The following DPP6 variants were observed in gnomAD, a reference collection of about 807,000 sequenced individuals.
DPP6 encodes dipeptidyl peptidase like 6.
Under a neutral mutation model 122.6 loss-of-function variants are expected in DPP6, and 69 were observed. That is an observed-to-expected ratio of 0.56 (90% CI 0.46 to 0.69). The LOEUF (loss-of-function observed/expected upper bound fraction) is 0.69, where lower values mean the gene tolerates loss of function less well. DPP6 is among the 30% of genes least tolerant of loss of function. DPP6 has a pLI of 0.00. For synonymous variants in DPP6, 418 were observed against 433.1 expected (o/e 0.97, Z 0.43); for missense variants, 928 against 1,116.9 (o/e 0.83, Z 2.41).
chr7:153,786,766 A>G, the DPP6 span, among the ~76,000 whole-genome samples: 8 of 138,808 alleles, frequency 5.8e-5, no homozygotes, highest in African/African-American at 1.8e-4. Flanking sequence ...AAAAAAAGAT[A>G]TACTACTATT....
chr7:154,807,788 C>T (rs759906941), intron 16 of DPP6, among the ~76,000 whole-genome samples: 7 of 152,144 alleles, frequency 4.6e-5, no homozygotes, highest in African/African-American at 7.2e-5. Context: ...CACCACTACA[C>T]TCCAGCCTGG....
chr7:154,882,191 G>T (rs1376167226), intron 21 of DPP6, among the ~76,000 whole-genome samples: 1 of 152,132 alleles, frequency 6.6e-6, no homozygotes, highest in Non-Finnish European at 1.5e-5. Flanking sequence ...ACAGGCAGTT[G>T]GTCCAGAAGC....
intron 1 of DPP6, among the ~76,000 whole-genome samples, chr7:154,116,511 G>A (rs879746709): frequency 1.1e-4 from 17 of 152,292 alleles, no homozygotes; most frequent in Admixed American, 1.1e-3. Context: ...CATTGAACAA[G>A]CAAACAGTTT....
At chr7:154,633,841 AGAG>A (rs1222714829) in intron 5 of DPP6, among the ~76,000 whole-genome samples, 1 of 152,106 alleles carries the variant, frequency 6.6e-6, no homozygotes, top group Admixed American at 6.6e-5. Flanking sequence ...CCATTTTTTA[AGAG>A]TAGTGCTCGA....
chr7:154,029,816 A>G (rs1321192917), intron 1 of DPP6, among the ~76,000 whole-genome samples: 2 of 151,846 alleles, frequency 1.3e-5, no homozygotes, highest in African/African-American at 4.8e-5. Flanking sequence ...ACTACACTCC[A>G]ACCTGGGTGA....
rs546009959 is a variant in DPP6 at position 154,270,952 on chromosome 7, T to C, written c.244-175262T>C. 1.4e-4 allele frequency among the ~76,000 whole-genome samples: 22 copies of C among 152,282 alleles called. No homozygotes were observed. The South Asian group carries it at 4.4e-3, about 30-fold the overall frequency. Reference sequence around the variant, plus strand: ...TCAACTCTCCTTTTTCTCAAAAGCCTTCACTTCTAAAAGCAAGGTTGTTTA... The same window carrying C: ...TCAACTCTCCTTTTTCTCAAAAGCCCTCACTTCTAAAAGCAAGGTTGTTTA... On this transcript the variant is annotated intron_variant, in intron 1 of 25. Coordinates refer to ENST00000377770, the MANE Select transcript of DPP6 (RefSeq NM_130797.4).
the DPP6 span, among the ~76,000 whole-genome samples, chr7:153,771,418 T>C: frequency 2.0e-5 from 3 of 151,978 alleles, no homozygotes; most frequent in South Asian, 2.1e-4. Flanking sequence ...GGCCTCACTG[T>C]AACCTCTGCC....
At chr7:154,756,146 G>A (rs939832533) in intron 8 of DPP6, among the ~76,000 whole-genome samples, 1 of 152,198 alleles carries the variant, frequency 6.6e-6, no homozygotes, top group Non-Finnish European at 1.5e-5. Flanking sequence ...AGAACAATGA[G>A]GGTGATGAAT....
chr7:154,170,731 G>A (rs1163046520), intron 1 of DPP6, among the ~76,000 whole-genome samples: 4 of 152,158 alleles, frequency 2.6e-5, no homozygotes, highest in South Asian at 2.1e-4. Flanking sequence ...AGAAGCTTGC[G>A]TTTACAAGTG....
chr7:153,788,216 C>T, the DPP6 span, among the ~76,000 whole-genome samples: 1 of 152,192 alleles, frequency 6.6e-6, no homozygotes, highest in Non-Finnish European at 1.5e-5. Flanking sequence ...TTTTGGGACA[C>T]ATCCAGCCAT....
chr7:153,843,456 G>T, the DPP6 span, among the ~76,000 whole-genome samples: 1 of 152,120 alleles, frequency 6.6e-6, no homozygotes, highest in African/African-American at 2.4e-5. Context: ...TTGTTCCCAG[G>T]TGGATCGGCA....
intron 3 of DPP6, among the ~76,000 whole-genome samples, chr7:154,505,308 C>T (rs1225337921): frequency 6.6e-6 from 1 of 152,228 alleles, no homozygotes; most frequent in African/African-American, 2.4e-5. Context: ...AAAGTTTCCA[C>T]ATGCCCCAAA....
At chr7:153,874,988 C>T in the DPP6 span, among the ~76,000 whole-genome samples, 3 of 152,082 alleles carry the variant, frequency 2.0e-5, no homozygotes, top group East Asian at 1.9e-4. Context: ...TCAAAAGTAA[C>T]GGAAAAATCC....
chr7:154,612,554 A>G (rs6975879), intron 5 of DPP6, among the ~76,000 whole-genome samples: 61,543 of 152,020 alleles, frequency 0.4, 13,471 homozygotes, highest in East Asian at 0.65. Flanking sequence ...TCACTCATTT[A>G]TGGATATCTG....
At chr7:153,767,704 T>C in the DPP6 span, among the ~76,000 whole-genome samples, 12 of 152,128 alleles carry the variant, frequency 7.9e-5, 1 homozygote, top group Admixed American at 2.6e-4. Flanking sequence ...AACTTTTAAA[T>C]GTGTGTATCA....
chr7:154,809,045 A>G (rs1798868345), intron 16 of DPP6, among the ~76,000 whole-genome samples: 1 of 152,218 alleles, frequency 6.6e-6, no homozygotes, highest in Admixed American at 6.5e-5. Flanking sequence ...ACTGGTCAAG[A>G]CAGCAACTTT....
intron 1 of DPP6, among the ~76,000 whole-genome samples, chr7:154,155,978 T>A (rs1463266895): frequency 6.6e-6 from 1 of 152,244 alleles, no homozygotes; most frequent in African/African-American, 2.4e-5. Context: ...GGCCTGGCAG[T>A]GCCTTCCTTC....
At position 154,253,684 on chromosome 7, in the gene DPP6, G is replaced by A. The variant is rs181001129; in HGVS notation, c.244-192530G>A. 4.6e-3 allele frequency among the ~76,000 whole-genome samples: 704 copies of A among 152,300 alleles called. 5 individuals are homozygous for A. Among genetic ancestry groups the A allele is most frequent in the Non-Finnish European group, 7.7e-3 (522 of 68,036 alleles). ...GATTGATGATGACAATGATGATAAT[G>A]ATAATGTGCTCTCTAGAAAAAGGAA... On this transcript the variant is annotated intron_variant, in intron 1 of 25. Coordinates refer to ENST00000377770, the MANE Select transcript of DPP6 (RefSeq NM_130797.4).
At chr7:154,531,073 G>A (rs1295721892) in intron 3 of DPP6, among the ~76,000 whole-genome samples, 4 of 152,052 alleles carry the variant, frequency 2.6e-5, no homozygotes, top group Middle Eastern at 3.2e-3. Flanking sequence ...ATGATGGGTC[G>A]ATCTCTGCAG....
Sources: allele counts gnomAD v4.1 joint callset (sites outside exome capture counted in the v4.1 genomes callset), GRCh38; gene constraint gnomAD v4.1.1; transcripts MANE v1.5; gene names NCBI Gene and HGNC (gene_info 2026-07-23, HGNC 2026-07-21).